SLC44A5: variants seen among roughly 807,000 people sequenced by gnomAD.
SLC44A5 encodes the protein solute carrier family 44 member 5.
In SLC44A5, 57 loss-of-function variants were observed where a neutral mutation model predicts 101.8. The observed-to-expected ratio is 0.56, with a 90% CI of 0.45 to 0.70. The LOEUF is 0.70. SLC44A5 is among the 30% of genes least tolerant of loss of function. The pLI, the probability that SLC44A5 is intolerant of heterozygous loss-of-function variation, is 0.00. For synonymous variants in SLC44A5, 281 were observed against 290.9 expected, an observed-to-expected ratio of 0.97 and a Z score of 0.35; for missense variants, 737 against 853.1, an observed-to-expected ratio of 0.86 and a Z score of 1.70.
intron 1 of SLC44A5, among the ~76,000 whole-genome samples, chr1:75,597,268 A>G (rs1248797391): frequency 6.6e-6 from 1 of 152,070 alleles, no homozygotes; most frequent in Non-Finnish European, 1.5e-5. Flanking sequence ...CTACAAGTAG[A>G]ACTACAAAAC....
At chr1:75,482,528 T>C (rs1667930971) in intron 2 of SLC44A5, among the ~76,000 whole-genome samples, 1 of 152,200 alleles carries the variant, frequency 6.6e-6, no homozygotes, top group African/African-American at 2.4e-5. Flanking sequence ...CATGTGTATA[T>C]GGCACACACT....
intron 2 of SLC44A5, among the ~76,000 whole-genome samples, chr1:75,537,034 A>AAAAAAAAAAAAAATC (rs1553199990): frequency 5.4e-5 from 1 of 18,648 alleles, no homozygotes; most frequent in Non-Finnish European, 1.6e-4. Context: ...AAAAAAAAAA[A>AAAAAAAAAAAAAATC]TATATATCTA....
chr1:75,373,833 G>T (rs554727187), intron 3 of SLC44A5, among the ~76,000 whole-genome samples: 1 of 152,212 alleles, frequency 6.6e-6, no homozygotes, highest in African/African-American at 2.4e-5. Flanking sequence ...AGGGTTCAGA[G>T]GACAAAACTA....
chr1:75,592,210 T>C (rs1003058738), intron 1 of SLC44A5, among the ~76,000 whole-genome samples: 1 of 152,042 alleles, frequency 6.6e-6, no homozygotes, highest in African/African-American at 2.4e-5. Flanking sequence ...AAAAAATCAG[T>C]AACATTTCTA....
At chr1:75,548,693 G>C (rs940029479) in intron 1 of SLC44A5, among the ~76,000 whole-genome samples, 2 of 152,114 alleles carry the variant, frequency 1.3e-5, no homozygotes, top group African/African-American at 4.8e-5. Flanking sequence ...TGTTTAGAGT[G>C]AAAATTTGAA....
intron 13 of SLC44A5, among the ~76,000 whole-genome samples, chr1:75,225,002 A>G (rs1647167787): frequency 6.6e-6 from 1 of 152,198 alleles, no homozygotes; most frequent in South Asian, 2.1e-4. Flanking sequence ...ATTGTAGCCT[A>G]CATGTACAGT....
chr1:75,714,780 A>C, the SLC44A5 span, among the ~76,000 whole-genome samples: 1 of 136,686 alleles, frequency 7.3e-6, no homozygotes, highest in Admixed American at 7.5e-5. Flanking sequence ...GGGTTCAAGC[A>C]ATTCTGCCTC....
intron 23 of SLC44A5, 72 bp from the exon 24 acceptor site, chr1:75,203,905 A>G: frequency 1.4e-6 from 2 of 1,458,460 alleles, no homozygotes; most frequent in East Asian, 2.6e-5. Flanking sequence ...CATCTGCTGT[A>G]TACTCGCTTT....
intron 2 of SLC44A5, among the ~76,000 whole-genome samples, chr1:75,518,386 TTGTATACTACGAGCAGTC>T (rs1372293284): frequency 3.0e-4 from 46 of 152,332 alleles, no homozygotes; most frequent in African/African-American, 1.0e-3. Flanking sequence ...TAAGTCCCCA[TTGTATACTACGAGCAGTC>T]TGTATTTATC....
At chr1:75,642,259 C>T in the SLC44A5 span, among the ~76,000 whole-genome samples, 2 of 152,098 alleles carry the variant, frequency 1.3e-5, no homozygotes, top group African/African-American at 4.8e-5. Context: ...GGCAAATGCT[C>T]TTTTGTTCTT....
chr1:75,429,535 G>C (rs1055283514), intron 2 of SLC44A5, among the ~76,000 whole-genome samples: 1 of 152,180 alleles, frequency 6.6e-6, no homozygotes, highest in East Asian at 1.9e-4. Context: ...GTCTGTTTAC[G>C]TTGCTATAAA....
the SLC44A5 span, among the ~76,000 whole-genome samples, chr1:75,659,672 T>C: frequency 2.9e-5 from 4 of 139,018 alleles, no homozygotes; most frequent in African/African-American, 5.2e-5. Flanking sequence ...TGGTAGCACG[T>C]ACCTGTAGTC....
chr1:75,323,178 G>A (rs1414710208), intron 4 of SLC44A5, among the ~76,000 whole-genome samples: 2 of 148,986 alleles, frequency 1.3e-5, no homozygotes, highest in Admixed American at 6.8e-5. Flanking sequence ...ACCTATGAGT[G>A]AGAATATGCG....
chr1:75,213,778 A>C lies in SLC44A5; in HGVS notation c.1889T>G (p.Leu630Arg). 1.2e-6 allele frequency: 2 copies of C among 1,612,008 alleles called. No homozygotes were observed. The highest frequency in any genetic ancestry group is 3.3e-5 in the Admixed American group (2 of 59,918). Residue 630 changes from leucine to arginine, a missense_variant, in exon 22 of 24, where the codon CTA becomes CGA. Coordinates refer to ENST00000370859, the MANE Select transcript of SLC44A5 (RefSeq NM_001130058.2). ...CACTGGCAGTCTTTGTGTGAAGAATAGGAAGGCCAGAACACCTACATTGAA... is the reference window on the plus strand; with the variant it reads ...CACTGGCAGTCTTTGTGTGAAGAATCGGAAGGCCAGAACACCTACATTGAA... ...VAGSIGVLAF[L>R]FFTQRLPVIA...
intron 4 of SLC44A5, among the ~76,000 whole-genome samples, chr1:75,330,614 GC>G (rs1557670293): frequency 6.6e-6 from 1 of 151,728 alleles, no homozygotes; most frequent in Non-Finnish European, 1.5e-5. Flanking sequence ...ATAATGTCTA[GC>G]ACCACACACC....
chr1:75,351,984 T>A (rs1462068929), intron 3 of SLC44A5, among the ~76,000 whole-genome samples: 2 of 151,924 alleles, frequency 1.3e-5, no homozygotes, highest in Non-Finnish European at 2.9e-5. Context: ...AAAATCCCCC[T>A]TTTTTAAGCA....
At position 75,224,596 on chromosome 1, in the gene SLC44A5, G is replaced by T. The variant is rs538468607; in HGVS notation, c.986-2136C>A. 6.9e-4 allele frequency among the ~76,000 whole-genome samples: 105 copies of T among 152,026 alleles called. 1 individual carries two copies. In the South Asian group the frequency reaches 0.017, roughly 24 times the overall value. The stretch of plus-strand genomic sequence containing the variant: ...TGTGTCTTTAAATTTTAAATTTTTT[G>T]TTTCTAATTTTTTAGATAAAATAGA... On this transcript the variant is annotated intron_variant, in intron 13 of 23. Transcript: ENST00000370859.
chr1:75,503,938 A>G (rs1323985285), intron 2 of SLC44A5, among the ~76,000 whole-genome samples: 1 of 152,096 alleles, frequency 6.6e-6, no homozygotes, highest in African/African-American at 2.4e-5. Context: ...ATATTTTTAA[A>G]GAGAGATTTT....
the SLC44A5 span, among the ~76,000 whole-genome samples, chr1:75,677,011 G>A: frequency 1.3e-5 from 2 of 152,026 alleles, no homozygotes; most frequent in Non-Finnish European, 1.5e-5. Flanking sequence ...CATTATATTC[G>A]GTGAACATGA....
Sources: allele counts gnomAD v4.1 joint callset (sites outside exome capture counted in the v4.1 genomes callset), GRCh38; gene constraint gnomAD v4.1.1; transcripts MANE v1.5; gene names NCBI Gene and HGNC (gene_info 2026-07-23, HGNC 2026-07-21).